Variants in NIPAL2 observed in about 807,000 individuals in gnomAD.
NIPAL2 encodes NIPA like domain containing 2.
Under a neutral mutation model 48.9 loss-of-function variants are expected in NIPAL2, and 43 were observed. The ratio of observed to expected loss-of-function variants is 0.88; its 90% CI spans 0.69 to 1.13. The LOEUF is 1.13. NIPAL2 is among the 50% of genes most tolerant of loss of function. NIPAL2 has a pLI of 0.00. For synonymous variants in NIPAL2, 167 were observed against 174.6 expected (o/e 0.96, Z 0.34); for missense variants, 446 against 461.4 (o/e 0.97, Z 0.31).
intron 10 of NIPAL2, chr8:98,193,427 C>G (rs747144703): frequency 6.2e-7 from 1 of 1,613,668 alleles, no homozygotes; most frequent in South Asian, 1.1e-5. Context: ...TTTTCCACGT[C>G]GAATGCATAT....
intron 8 of NIPAL2, 62 bp from the exon 9 acceptor site, chr8:98,196,067 T>A (rs1225203243): frequency 1.1e-5 from 11 of 973,306 alleles, no homozygotes; most frequent in Non-Finnish European, 1.7e-5. Context: ...AATAGCTAAA[T>A]ATTGTTTGTA....
chr8:98,197,846 A>G (rs1322356191), intron 8 of NIPAL2, among the ~76,000 whole-genome samples: 1 of 152,236 alleles, frequency 6.6e-6, no homozygotes, highest in African/African-American at 2.4e-5. Context: ...TCACATCTGC[A>G]GTTACTGCCT....
intron 1 of NIPAL2, among the ~76,000 whole-genome samples, chr8:98,261,240 C>T (rs377384262): frequency 1.3e-4 from 19 of 150,508 alleles, no homozygotes; most frequent in African/African-American, 2.9e-4. Flanking sequence ...TCCAAAGGAA[C>T]GCAGTTCCTC....
chr8:98,260,684 C>G (rs1444811937), intron 1 of NIPAL2, among the ~76,000 whole-genome samples: 4 of 152,154 alleles, frequency 2.6e-5, no homozygotes, highest in Non-Finnish European at 5.9e-5. Context: ...AACTGCAAGG[C>G]GGCAGCGAGG....
intron 8 of NIPAL2, among the ~76,000 whole-genome samples, chr8:98,202,525 T>G (rs1243578818): frequency 6.6e-6 from 1 of 152,168 alleles, no homozygotes; most frequent in Non-Finnish European, 1.5e-5. Context: ...TGAGTTCATA[T>G]GAGATCTGGT....
At chr8:98,268,993 C>T (rs1468830138) in intron 1 of NIPAL2, among the ~76,000 whole-genome samples, 1 of 152,166 alleles carries the variant, frequency 6.6e-6, no homozygotes, top group Non-Finnish European at 1.5e-5. Flanking sequence ...TCTTAAGAAA[C>T]CCCTTTCTTT....
chr8:98,203,659 G>A (rs998525911), intron 7 of NIPAL2, among the ~76,000 whole-genome samples: 2 of 152,188 alleles, frequency 1.3e-5, no homozygotes, highest in African/African-American at 4.8e-5. Context: ...GAGCACATGT[G>A]GGAGCTCAGC....
intron 1 of NIPAL2, among the ~76,000 whole-genome samples, chr8:98,273,207 T>G (rs1056723941): frequency 2.0e-5 from 3 of 152,186 alleles, no homozygotes; most frequent in Non-Finnish European, 4.4e-5. Flanking sequence ...TACTGGTACA[T>G]GCTACAACCT....
At chr8:98,291,187 T>G (rs1372617554) in intron 1 of NIPAL2, among the ~76,000 whole-genome samples, 2 of 152,182 alleles carry the variant, frequency 1.3e-5, no homozygotes, top group Non-Finnish European at 2.9e-5. Flanking sequence ...AACCCATGAC[T>G]ATATCCAAGA....
chr8:98,247,189 C>A (rs1428355233), intron 3 of NIPAL2, among the ~76,000 whole-genome samples: 1 of 152,190 alleles, frequency 6.6e-6, no homozygotes, highest in East Asian at 1.9e-4. Context: ...GAATTGAAAT[C>A]TTTTAAGCAA....
chr8:98,226,999 G>T (rs1033993195), intron 4 of NIPAL2, among the ~76,000 whole-genome samples: 2 of 152,080 alleles, frequency 1.3e-5, no homozygotes, highest in Admixed American at 6.6e-5. Context: ...TTTTCTACTT[G>T]TCCCTCCCCT....
intron 1 of NIPAL2, among the ~76,000 whole-genome samples, chr8:98,264,442 CA>C (rs1452465850): frequency 2.0e-4 from 29 of 147,814 alleles, no homozygotes; most frequent in African/African-American, 7.0e-4. Flanking sequence ...TCTCAGGATA[CA>C]AAATCAATGT....
Position 98,263,574 on chromosome 8 carries a change from A to C in NIPAL2, c.136-9487T>G, listed in dbSNP as rs974380728. On this transcript the variant is annotated intron_variant, in intron 1 of 10. Transcript: ENST00000430223. ...GACACATACACTCTCCCAAGACTAA[A>C]CCAGGAAGAAGTTGAATCTCTGAAT... is the stretch of plus-strand genomic sequence containing the variant. Among the ~76,000 whole-genome samples the C allele has an allele frequency of 3.5e-3, 519 of 149,526 alleles. 2 individuals carry two copies. The highest frequency in any genetic ancestry group is 0.012 in the African/African-American group (496 of 39,996).
chr8:98,240,061 A>G (rs1812908347), intron 3 of NIPAL2, among the ~76,000 whole-genome samples: 1 of 152,272 alleles, frequency 6.6e-6, no homozygotes, highest in African/African-American at 2.4e-5. Context: ...TTTAATATTC[A>G]AAAATAGAGC....
intron 1 of NIPAL2, among the ~76,000 whole-genome samples, chr8:98,266,054 T>G (rs1352753505): frequency 7.5e-5 from 11 of 145,788 alleles, no homozygotes; most frequent in African/African-American, 2.3e-4. Context: ...ACACCGCATA[T>G]TCTCACTCAT....
At chr8:98,229,519 T>A (rs1174304555) in intron 4 of NIPAL2, among the ~76,000 whole-genome samples, 1 of 152,170 alleles carries the variant, frequency 6.6e-6, no homozygotes, top group Non-Finnish European at 1.5e-5. Context: ...ACTACAGGCA[T>A]GTGCCACCAT....
chr8:98,270,358 CT>C (rs1402887793), intron 1 of NIPAL2, among the ~76,000 whole-genome samples: 1 of 152,030 alleles, frequency 6.6e-6, no homozygotes, highest in Non-Finnish European at 1.5e-5. Flanking sequence ...TGTTTTTTTA[CT>C]TTTTAATAAT....
rs1563798706 is a variant in NIPAL2 at position 98,190,311 on chromosome 8, G to C, written c.*2667C>G. On this transcript the variant is annotated 3_prime_UTR_variant, in exon 11 of 11. Coordinates refer to ENST00000430223, the MANE Select transcript of NIPAL2 (RefSeq NM_001321635.2). ...ACTATAGCTCACAGACTGGCCACTT[G>C]TTTTTGTTTGTTTGTTTGTTTGTTT... 6.0e-6 allele frequency: 1 copy of C among 166,484 alleles called. No individual in the cohort carries two copies. The allele number at this position is 166,484 out of a possible 1,614,324, so 10.3% of individuals were successfully genotyped here.
intron 5 of NIPAL2, among the ~76,000 whole-genome samples, chr8:98,222,243 C>G (rs1245764326): frequency 6.6e-6 from 1 of 152,062 alleles, no homozygotes; most frequent in Admixed American, 6.5e-5. Context: ...ACGTATTGCT[C>G]TGGAACTTGG....
Sources: allele counts gnomAD v4.1 joint callset (sites outside exome capture counted in the v4.1 genomes callset), GRCh38; gene constraint gnomAD v4.1.1; transcripts MANE v1.5; gene names NCBI Gene and HGNC (gene_info 2026-07-23, HGNC 2026-07-21).